Variants in CACNA1D observed in about 807,000 individuals in gnomAD.
CACNA1D encodes voltage-dependent L-type calcium channel subunit alpha-1D.
In CACNA1D, 55 loss-of-function variants were observed where a neutral mutation model predicts 257.1. The ratio of observed to expected loss-of-function variants is 0.21; its 90% confidence interval spans 0.17 to 0.27. The LOEUF (loss-of-function observed/expected upper bound fraction) is 0.27, where lower values mean the gene tolerates loss of function less well. Among genes scored for constraint, CACNA1D ranks in the 10% least tolerant of loss-of-function variants. CACNA1D has a pLI of 1.00. For missense variants in CACNA1D, 1,876 were observed against 2,784.0 expected, an observed-to-expected ratio of 0.67 and a Z score of 7.34; for synonymous variants, 980 against 1,014.9, an observed-to-expected ratio of 0.97 and a Z score of 0.65.
chr3:53,506,791 G>C (rs2107188926), intron 3 of CACNA1D, among the ~76,000 whole-genome samples: 1 of 152,326 alleles, frequency 6.6e-6, no homozygotes, highest in Middle Eastern at 3.4e-3. Context: ...AGAGAAGAAA[G>C]ACAAGTACTT....
At chr3:53,710,185 AC>A (rs2094735645) in intron 9 of CACNA1D, among the ~76,000 whole-genome samples, 1 of 152,198 alleles carries the variant, frequency 6.6e-6, no homozygotes, top group South Asian at 2.1e-4. Context: ...GTTCTTAAAG[AC>A]AGGTGTTTGT....
At chr3:53,724,091 A>AAT in intron 14 of CACNA1D, 92 bp downstream of exon 14, 1 of 1,054,104 alleles carries the variant, frequency 9.5e-7, no homozygotes, top group Non-Finnish European at 1.5e-6. Context: ...GGAAGACAAA[A>AAT]GGACTCCATT....
chr3:53,789,473 G>A lies in CACNA1D; in HGVS notation c.4923+2521G>A, dbSNP rs1243902189. Reference sequence around the variant, plus strand: ...AGCATGAGTAGGCTTTCGTTTCTGCGTGATGAAATACCGGGTGACGATGTA... The same window carrying A: ...AGCATGAGTAGGCTTTCGTTTCTGCATGATGAAATACCGGGTGACGATGTA... On this transcript the variant is annotated intron_variant, in intron 40 of 47. Coordinates refer to ENST00000350061, the MANE Select transcript of CACNA1D (RefSeq NM_001128840.3). The surrounding 1 kb of genome is among the most constrained non-coding windows in gnomAD (Gnocchi z 4.2). Among the ~76,000 whole-genome samples the A allele has an allele frequency of 6.6e-5, 10 of 152,306 alleles. No individual in the cohort carries two copies. Among genetic ancestry groups the A allele is most frequent in the Non-Finnish European group, 1.0e-4 (7 of 68,028 alleles).
At chr3:53,536,152 A>G (rs1390964172) in intron 3 of CACNA1D, among the ~76,000 whole-genome samples, 1 of 152,136 alleles carries the variant, frequency 6.6e-6, no homozygotes, top group Non-Finnish European at 1.5e-5. Flanking sequence ...TTTCATGGAA[A>G]CTTTGAAAGG....
rs537555801 is a variant in CACNA1D, at chr3:53,724,153, T to C, written c.2100+154T>C. ...CCTGGTAAATTTTGTGCCATTTAAG[T>C]TATTCGTTCTGCATCATCCTCCAGC... is the stretch of plus-strand genomic sequence containing the variant. On this transcript the variant is annotated intron_variant, in intron 14 of 47. Transcript: ENST00000350061. 2.0e-5 allele frequency among the ~76,000 whole-genome samples: 3 copies of C among 152,330 alleles called. No individual in the cohort carries two copies. In the East Asian group the frequency reaches 5.8e-4, roughly 29 times the overall value.
At chr3:53,549,572 C>G (rs2092485658) in intron 3 of CACNA1D, among the ~76,000 whole-genome samples, 1 of 152,178 alleles carries the variant, frequency 6.6e-6, no homozygotes, top group Non-Finnish European at 1.5e-5. Context: ...TATTGTATCT[C>G]AAATGACTGT....
intron 8 of CACNA1D, among the ~76,000 whole-genome samples, chr3:53,687,363 T>C (rs2094482401): frequency 6.6e-6 from 1 of 152,124 alleles, no homozygotes; most frequent in Non-Finnish European, 1.5e-5. Flanking sequence ...ATTTCAAAAT[T>C]TACTGTAAAG....
chr3:53,763,767 A>T (rs1223652332), intron 30 of CACNA1D, among the ~76,000 whole-genome samples: 1 of 152,182 alleles, frequency 6.6e-6, no homozygotes, highest in African/African-American at 2.4e-5. Flanking sequence ...GAATAGTAAG[A>T]CAGCCACCAG....
chr3:53,812,311 C>T lies in CACNA1D; in HGVS notation c.*905C>T, dbSNP rs1001280901. The T allele has an allele frequency of 5.3e-5, 8 of 152,116 alleles. No individual in the cohort carries two copies. The highest frequency in any genetic ancestry group is 1.7e-4 in the African/African-American group (7 of 41,418). 9.4% of individuals were successfully genotyped at this position (152,116 alleles called of 1,614,324 possible). A position where few individuals can be genotyped will look rare whatever the true frequency, so the allele number is the denominator to read the frequency against. Reference sequence around the variant, plus strand: ...TCTAGAAATTATTAGTATTTTTACTCGGGCTATCCAGAAGTAGAAGAAATA... The same window carrying T: ...TCTAGAAATTATTAGTATTTTTACTTGGGCTATCCAGAAGTAGAAGAAATA... On this transcript the variant is annotated 3_prime_UTR_variant, in exon 48 of 48. Transcript: ENST00000350061.
At chr3:53,696,701 T>C (rs1361952315) in intron 8 of CACNA1D, among the ~76,000 whole-genome samples, 2 of 152,212 alleles carry the variant, frequency 1.3e-5, no homozygotes, top group Non-Finnish European at 2.9e-5. Context: ...GGGAGAAGGC[T>C]GCCCAGGTGG....
chr3:53,680,222 T>C (rs1282013725), intron 8 of CACNA1D, among the ~76,000 whole-genome samples: 1 of 152,250 alleles, frequency 6.6e-6, no homozygotes, highest in Non-Finnish European at 1.5e-5. Flanking sequence ...TCGCTGATCC[T>C]TGTTTCCATC....
chr3:53,660,914 TGA>T (rs937742366), intron 5 of CACNA1D, among the ~76,000 whole-genome samples: 1 of 151,998 alleles, frequency 6.6e-6, no homozygotes, highest in African/African-American at 2.4e-5. Context: ...TCTCAGTGGG[TGA>T]GAGAGAGAGT....
At chr3:53,808,600 C>T in intron 45 of CACNA1D, 49 bp from the exon 46 acceptor site, 1 of 1,601,224 alleles carries the variant, frequency 6.2e-7, no homozygotes, top group Non-Finnish European at 8.5e-7. Context: ...AGACGGTGTC[C>T]CGGCAGAGAA....
intron 8 of CACNA1D, among the ~76,000 whole-genome samples, chr3:53,681,285 G>A (rs1177187847): frequency 6.6e-6 from 1 of 152,204 alleles, no homozygotes; most frequent in Non-Finnish European, 1.5e-5. Context: ...GAGCATTGGA[G>A]AACCATGGAG....
chr3:53,634,716 C>T (rs1353501950), intron 3 of CACNA1D, among the ~76,000 whole-genome samples: 4 of 152,220 alleles, frequency 2.6e-5, no homozygotes, highest in African/African-American at 7.2e-5. Context: ...GAGTGCAAAC[C>T]GTGTGCCAGG....
At chr3:53,695,463 C>T (rs1327447777) in intron 8 of CACNA1D, among the ~76,000 whole-genome samples, 3 of 152,164 alleles carry the variant, frequency 2.0e-5, no homozygotes, top group Admixed American at 6.5e-5. Context: ...CCGCCCAGCC[C>T]GTCCTTCTTC....
At chr3:53,790,913 T>G in intron 40 of CACNA1D, 1 of 687,142 alleles carries the variant, frequency 1.5e-6, no homozygotes, top group Admixed American at 2.1e-5. Flanking sequence ...AATTTTTTTC[T>G]TTTTTTAATC....
intron 33 of CACNA1D, chr3:53,773,260 G>GTATA: frequency 3.1e-6 from 1 of 327,422 alleles, no homozygotes; most frequent in Non-Finnish European, 5.8e-6. Flanking sequence ...GAGCCGTCGC[G>GTATA]GGAACAGAAG....
intron 9 of CACNA1D, among the ~76,000 whole-genome samples, chr3:53,707,991 TCTG>T (rs1337359913): frequency 6.6e-6 from 1 of 152,220 alleles, no homozygotes; most frequent in African/African-American, 2.4e-5. Flanking sequence ...CTCTCTGTCT[TCTG>T]CTTCTTCAGT....
Sources: allele counts gnomAD v4.1 joint callset (sites outside exome capture counted in the v4.1 genomes callset), GRCh38; gene constraint gnomAD v4.1.1; non-coding constraint Gnocchi (gnomAD v3.1); transcripts MANE v1.5; gene names NCBI Gene and HGNC (gene_info 2026-07-23, HGNC 2026-07-21).